The following RYK variants were observed in gnomAD, a reference collection of about 807,000 sequenced individuals.
RYK encodes inactive tyrosine-protein kinase RYK.
A neutral mutation model predicts 70.2 loss-of-function variants in RYK; 21 were observed. The observed-to-expected ratio is 0.30, with a 90% CI of 0.21 to 0.43. The LOEUF (loss-of-function observed/expected upper bound fraction) is 0.43, where lower values mean the gene tolerates loss of function less well. Among genes scored for constraint, RYK ranks in the 20% least tolerant of loss-of-function variants. The pLI is 1.00. For missense variants in RYK, 604 were observed against 753.3 expected, an observed-to-expected ratio of 0.80 and a Z score of 2.32; for synonymous variants, 267 against 278.0, an observed-to-expected ratio of 0.96 and a Z score of 0.39.
At chr3:134,239,372 G>A (rs2015266053) in intron 1 of RYK, among the ~76,000 whole-genome samples, 1 of 152,076 alleles carries the variant, frequency 6.6e-6, no homozygotes, top group Admixed American at 6.6e-5. Context: ...TGAGACAGAA[G>A]GATCACTTGA....
At chr3:134,207,244 T>TCTC (rs2107677519) in intron 5 of RYK, among the ~76,000 whole-genome samples, 1 of 152,306 alleles carries the variant, frequency 6.6e-6, no homozygotes, top group African/African-American at 2.4e-5. Flanking sequence ...TTGTAAAACT[T>TCTC]TTTAGCTTAC....
At chr3:134,195,472 C>T (rs181948889) in intron 6 of RYK, 168 of 281,208 alleles carry the variant, frequency 6.0e-4, no homozygotes, top group African/African-American at 3.3e-3. Flanking sequence ...AAACTTCACA[C>T]ACAAATATGT....
chr3:134,165,389 G>GCACAGTAACAGTGCAC, intron 13 of RYK, among the ~76,000 whole-genome samples: 1 of 152,316 alleles, frequency 6.6e-6, no homozygotes, highest in South Asian at 2.1e-4. Flanking sequence ...GGACAGTGCT[G>GCACAGTAACAGTGCAC]AGTAACAGAA....
chr3:134,208,258 C>T lies in RYK; in HGVS notation c.590-733G>A, dbSNP rs149467726. 7.5e-3 allele frequency among the ~76,000 whole-genome samples: 1,143 copies of T among 152,250 alleles called. 20 individuals are homozygous for T. The highest frequency in any genetic ancestry group is 0.025 in the African/African-American group (1,049 of 41,540). ...CACTGGTGGGATCCAGAGGCCACAC[C>T]ATGTCTGGTTATCATTCTGCCTTAC... On this transcript the variant is annotated intron_variant, in intron 4 of 14. Coordinates refer to ENST00000623711, the MANE Select transcript of RYK (RefSeq NM_002958.4).
rs143353338 is a variant in RYK, at chr3:134,228,665, T to C, written c.233-6126A>G. 6.8e-3 allele frequency among the ~76,000 whole-genome samples: 1,041 copies of C among 152,166 alleles called. 8 individuals carry two copies. Among genetic ancestry groups the C allele is most frequent in the African/African-American group, 0.022 (896 of 41,504 alleles). On this transcript the variant is annotated intron_variant, in intron 1 of 14. Transcript: ENST00000623711. ...AAAAAGAAAAAAAAAGTTGATATCA[T>C]AGGAATAGAGCACAGCAATTATTAC...
chr3:134,215,557 G>A (rs2014525360), intron 2 of RYK, among the ~76,000 whole-genome samples: 1 of 152,196 alleles, frequency 6.6e-6, no homozygotes. Context: ...GATTAGAGAA[G>A]AAATTGCCAA....
intron 1 of RYK, among the ~76,000 whole-genome samples, chr3:134,227,479 A>G (rs1021256898): frequency 3.9e-5 from 6 of 151,988 alleles, no homozygotes; most frequent in African/African-American, 1.4e-4. Context: ...AAGAGGAACA[A>G]GGCAATTCAA....
intron 13 of RYK, among the ~76,000 whole-genome samples, chr3:134,173,615 T>C (rs1200487945): frequency 6.6e-6 from 1 of 152,226 alleles, no homozygotes; most frequent in East Asian, 1.9e-4. Context: ...TGAGACTCAC[T>C]AGAACAGCAT....
intron 13 of RYK, among the ~76,000 whole-genome samples, chr3:134,166,500 G>A (rs1019386707): frequency 9.9e-5 from 15 of 152,190 alleles, no homozygotes; most frequent in African/African-American, 3.4e-4. Context: ...TGTTATACGT[G>A]ATTGAAAAGT....
At chr3:134,181,279 A>C (rs1244515255) in intron 10 of RYK, 4 of 152,376 alleles carry the variant, frequency 2.6e-5, no homozygotes, top group Non-Finnish European at 5.9e-5. Flanking sequence ...GCCAAAAAGG[A>C]CAATATTCCA....
At chr3:134,241,324 TGAGA>T (rs921762499) in intron 1 of RYK, among the ~76,000 whole-genome samples, 2 of 150,646 alleles carry the variant, frequency 1.3e-5, no homozygotes, top group Admixed American at 1.3e-4. Flanking sequence ...TACTCCAGCC[TGAGA>T]GAAAGAGCAA....
At chr3:134,228,307 T>A (rs1560025082) in intron 1 of RYK, among the ~76,000 whole-genome samples, 1 of 151,678 alleles carries the variant, frequency 6.6e-6, no homozygotes, top group Non-Finnish European at 1.5e-5. Context: ...GAAAAAAAAA[T>A]AACTACCATA....
chr3:134,200,193 A>G (rs2013957353), intron 6 of RYK, among the ~76,000 whole-genome samples: 1 of 151,996 alleles, frequency 6.6e-6, no homozygotes, highest in Non-Finnish European at 1.5e-5. Flanking sequence ...GCTCTTCACA[A>G]TAAATCTTGC....
chr3:134,194,431 C>T (rs1050166198), intron 7 of RYK, among the ~76,000 whole-genome samples: 9 of 152,134 alleles, frequency 5.9e-5, no homozygotes, highest in Non-Finnish European at 1.3e-4. Flanking sequence ...ATATCTGACT[C>T]AGCAACATGT....
chr3:134,174,551 T>G (rs1485230806), intron 13 of RYK, among the ~76,000 whole-genome samples: 2 of 152,148 alleles, frequency 1.3e-5, no homozygotes, highest in African/African-American at 4.8e-5. Context: ...ATTTTACATA[T>G]AACACAAACA....
intron 1 of RYK, among the ~76,000 whole-genome samples, chr3:134,238,608 C>T (rs1220888928): frequency 6.6e-6 from 1 of 152,184 alleles, no homozygotes; most frequent in East Asian, 1.9e-4. Context: ...CAGGAATCTG[C>T]AGGCACTAAC....
chr3:134,184,300 A>G (rs898290986), intron 9 of RYK, among the ~76,000 whole-genome samples: 1 of 152,190 alleles, frequency 6.6e-6, no homozygotes, highest in African/African-American at 2.4e-5. Flanking sequence ...TGAAACAAAA[A>G]CATGATAATG....
intron 13 of RYK, among the ~76,000 whole-genome samples, chr3:134,170,175 C>T (rs903200771): frequency 2.0e-5 from 3 of 152,110 alleles, no homozygotes; most frequent in Non-Finnish European, 4.4e-5. Flanking sequence ...TGTATATACA[C>T]ACATACATAT....
intron 2 of RYK, among the ~76,000 whole-genome samples, chr3:134,221,555 C>T (rs928868850): frequency 1.3e-5 from 2 of 151,930 alleles, no homozygotes; most frequent in East Asian, 3.9e-4. Flanking sequence ...TCCCAATAAT[C>T]ACTGTTGTTT....
Sources: gnomAD v4.1 joint callset for allele counts (sites outside exome capture counted in the v4.1 genomes callset) on GRCh38, gnomAD v4.1.1 for gene constraint, MANE v1.5 for transcripts, NCBI Gene and HGNC (gene_info 2026-07-23, HGNC 2026-07-21) for gene names.